Variants in RPSA2 observed in about 807,000 individuals in gnomAD.
RPSA2 encodes small ribosomal subunit protein uS2B.
At chr19:23,844,260 T>C in the RPSA2 span, among the ~76,000 whole-genome samples, 3 of 152,344 alleles carry the variant, frequency 2.0e-5, no homozygotes, top group South Asian at 6.2e-4. Flanking sequence ...GTTATTATAC[T>C]TGTCTTTGCT....
At chr19:23,796,258 A>T in the RPSA2 span, among the ~76,000 whole-genome samples, 1 of 152,292 alleles carries the variant, frequency 6.6e-6, no homozygotes, top group South Asian at 2.1e-4. Flanking sequence ...TATGTGATGA[A>T]TCACATTTAT....
At chr19:23,824,580 CTT>C in the RPSA2 span, among the ~76,000 whole-genome samples, 73 of 63,820 alleles carry the variant, frequency 1.1e-3, 1 homozygote, top group African/African-American at 4.3e-3. Flanking sequence ...TATAGCATTT[CTT>C]TTTTTTTTTT....
At chr19:23,788,225 A>G in the RPSA2 span, among the ~76,000 whole-genome samples, 10 of 125,230 alleles carry the variant, frequency 8.0e-5, no homozygotes, top group Middle Eastern at 3.9e-3. Context: ...TGATTGTGCC[A>G]TATAGCTGGG....
At chr19:23,834,004 T>C in the RPSA2 span, among the ~76,000 whole-genome samples, 1 of 152,074 alleles carries the variant, frequency 6.6e-6, no homozygotes, top group Non-Finnish European at 1.5e-5. Context: ...AAAGAGTTTA[T>C]ACTAAAATAT....
chr19:23,775,752 C>A, the RPSA2 span, among the ~76,000 whole-genome samples: 1 of 152,206 alleles, frequency 6.6e-6, no homozygotes, highest in African/African-American at 2.4e-5. Context: ...TGTGATTCCA[C>A]TAAGGTGACA....
At chr19:23,861,852 A>G in the RPSA2 span, among the ~76,000 whole-genome samples, 1 of 152,178 alleles carries the variant, frequency 6.6e-6, no homozygotes, top group Non-Finnish European at 1.5e-5. Context: ...TGGTTTGACC[A>G]TCTTTTCCCT....
chr19:23,806,638 A>G, the RPSA2 span, among the ~76,000 whole-genome samples: 11 of 152,028 alleles, frequency 7.2e-5, no homozygotes, highest in East Asian at 2.0e-3. Context: ...ACAAAAAATT[A>G]GCCAGGCATG....
the RPSA2 span, among the ~76,000 whole-genome samples, chr19:23,854,279 G>A: frequency 7.2e-5 from 11 of 152,332 alleles, no homozygotes; most frequent in South Asian, 2.3e-3. Context: ...TAAAGGGCCA[G>A]TGACCCCCGT....
chr19:23,825,009 T>C, the RPSA2 span, among the ~76,000 whole-genome samples: 1 of 152,126 alleles, frequency 6.6e-6, no homozygotes, highest in African/African-American at 2.4e-5. Context: ...AGATGGAGTC[T>C]CGCTCTGTTT....
chr19:23,804,909 C>A, the RPSA2 span, among the ~76,000 whole-genome samples: 3 of 152,004 alleles, frequency 2.0e-5, no homozygotes, highest in Non-Finnish European at 4.4e-5. Flanking sequence ...TTAAGTGTCT[C>A]ATGTGACTCT....
At chr19:23,866,579 G>C in the RPSA2 span, among the ~76,000 whole-genome samples, 1 of 147,026 alleles carries the variant, frequency 6.8e-6, no homozygotes, top group South Asian at 2.2e-4. Flanking sequence ...AAATCATTGG[G>C]CTCACCGATG....
At chr19:23,844,247 A>G in the RPSA2 span, among the ~76,000 whole-genome samples, 3 of 152,062 alleles carry the variant, frequency 2.0e-5, no homozygotes, top group African/African-American at 7.2e-5. Flanking sequence ...TTGGTTTATC[A>G]TTGTTATTAT....
chr19:23,856,245 G>A, the RPSA2 span, among the ~76,000 whole-genome samples: 1 of 152,032 alleles, frequency 6.6e-6, no homozygotes, highest in Non-Finnish European at 1.5e-5. Context: ...CCCAAACGGT[G>A]ACAGGAACAT....
At chr19:23,868,899 A>C in the RPSA2 span, among the ~76,000 whole-genome samples, 5 of 152,078 alleles carry the variant, frequency 3.3e-5, no homozygotes, top group Non-Finnish European at 5.9e-5. Context: ...AATGGACAGA[A>C]GGCCAACTGG....
At chr19:23,867,091 T>G in the RPSA2 span, among the ~76,000 whole-genome samples, 1 of 152,132 alleles carries the variant, frequency 6.6e-6, no homozygotes, top group East Asian at 1.9e-4. Context: ...CACAACTACA[T>G]GCAAAATCTA....
chr19:23,832,218 C>G, the RPSA2 span: 35 of 436,488 alleles, frequency 8.0e-5, no homozygotes, highest in African/African-American at 6.8e-4. Flanking sequence ...GAAAGAAACT[C>G]TACAAATGTG....
the RPSA2 span, among the ~76,000 whole-genome samples, chr19:23,870,675 A>C: frequency 6.6e-6 from 1 of 152,170 alleles, no homozygotes; most frequent in Admixed American, 6.5e-5. Context: ...TCTGGGAATA[A>C]TGTTGTTCTG....
At chr19:23,845,312 T>C in the RPSA2 span, among the ~76,000 whole-genome samples, 1 of 150,690 alleles carries the variant, frequency 6.6e-6, no homozygotes, top group Non-Finnish European at 1.5e-5. Flanking sequence ...ATTTTGTTTG[T>C]TACTAATTTT....
At chr19:23,848,757 A>G in the RPSA2 span, among the ~76,000 whole-genome samples, 4 of 152,202 alleles carry the variant, frequency 2.6e-5, no homozygotes, top group Non-Finnish European at 5.9e-5. Flanking sequence ...GTCTTAAATC[A>G]TTCATTTGGT....
Sources: allele counts gnomAD v4.1 joint callset (sites outside exome capture counted in the v4.1 genomes callset), GRCh38; gene constraint gnomAD v4.1.1; transcripts MANE v1.5; gene names NCBI Gene and HGNC (gene_info 2026-07-23, HGNC 2026-07-21).